The following SCUBE1 variants were observed in gnomAD, a reference collection of about 807,000 sequenced individuals.
SCUBE1 encodes signal peptide, CUB domain and EGF like domain containing 1, also known as signal peptide, CUB and EGF-like domain-containing protein 1.
SCUBE1 carries 59 observed loss-of-function variants against 124.4 expected under a neutral mutation model. The ratio of observed to expected loss-of-function variants is 0.47; its 90% CI spans 0.38 to 0.59. The LOEUF is 0.59. SCUBE1 is among the 20% of genes least tolerant of loss of function. The pLI is 0.00. For missense variants in SCUBE1, 1,150 were observed against 1,371.2 expected (o/e 0.84, Z 2.55); for synonymous variants, 545 against 550.9 (o/e 0.99, Z 0.15).
At chr22:43,296,290 G>A (rs1925556832) in intron 3 of SCUBE1, among the ~76,000 whole-genome samples, 1 of 152,220 alleles carries the variant, frequency 6.6e-6, no homozygotes, top group Non-Finnish European at 1.5e-5. Context: ...AAACCACTGA[G>A]GCCTTGGGCC....
At chr22:43,240,332 C>T (rs911878760) in intron 6 of SCUBE1, among the ~76,000 whole-genome samples, 1 of 152,216 alleles carries the variant, frequency 6.6e-6, no homozygotes, top group African/African-American at 2.4e-5. Flanking sequence ...TTTTGCCCTC[C>T]CATCTCCTGC....
intron 6 of SCUBE1, among the ~76,000 whole-genome samples, chr22:43,253,361 G>A (rs950276940): frequency 2.0e-5 from 3 of 152,318 alleles, no homozygotes; most frequent in East Asian, 3.9e-4. Context: ...TCAGAAGCCC[G>A]GGTCTGGTTC....
intron 9 of SCUBE1, among the ~76,000 whole-genome samples, chr22:43,227,830 G>A (rs1351778123): frequency 6.6e-6 from 1 of 152,154 alleles, no homozygotes; most frequent in Non-Finnish European, 1.5e-5. Flanking sequence ...ACTGCTCCAG[G>A]GATTGTGAAA....
At chr22:43,249,276 A>T (rs951901520) in intron 6 of SCUBE1, among the ~76,000 whole-genome samples, 2 of 133,920 alleles carry the variant, frequency 1.5e-5, no homozygotes, top group African/African-American at 5.5e-5. Context: ...GACCCTGGAG[A>T]TGGTCGCTGC....
Position 43,255,447 on chromosome 22 carries a change from C to T in SCUBE1, c.727+2772G>A, listed in dbSNP as rs1923621095. 1 of 1,503,396 alleles carries T rather than the reference C, an allele frequency of 6.7e-7. No individual in the cohort carries two copies. Among genetic ancestry groups the T allele is most frequent in the African/African-American group, 1.4e-5 (1 of 72,004 alleles). 93.1% of individuals were successfully genotyped at this position (1,503,396 alleles called of 1,614,324 possible). The stretch of plus-strand genomic sequence containing the variant: ...AGACACACATGTGCACACACACACA[C>T]AAGTGCAAGTACGACAAAGGAAGTG... On this transcript the variant is annotated intron_variant, in intron 6 of 21. Transcript: ENST00000360835. The surrounding 1 kb of genome is among the most constrained non-coding windows in gnomAD (Gnocchi z 4.7).
chr22:43,266,953 A>G (rs1489393181), intron 4 of SCUBE1, among the ~76,000 whole-genome samples: 3 of 152,198 alleles, frequency 2.0e-5, no homozygotes, highest in Non-Finnish European at 2.9e-5. Flanking sequence ...GCTCCCCTGC[A>G]GCACAGGATG....
At chr22:43,304,118 C>T (rs1394372330) in intron 3 of SCUBE1, among the ~76,000 whole-genome samples, 2 of 152,336 alleles carry the variant, frequency 1.3e-5, no homozygotes, top group East Asian at 3.9e-4. Context: ...ATTCCTGGGT[C>T]AACGACTGTG....
chr22:43,301,567 C>A (rs1925772921), intron 3 of SCUBE1, among the ~76,000 whole-genome samples: 1 of 152,152 alleles, frequency 6.6e-6, no homozygotes, highest in Non-Finnish European at 1.5e-5. Flanking sequence ...AGCTCACGTG[C>A]CGCTTTCCCA....
intron 3 of SCUBE1, among the ~76,000 whole-genome samples, chr22:43,295,994 G>A (rs558135152): frequency 6.7e-6 from 1 of 148,464 alleles, no homozygotes; most frequent in African/African-American, 2.5e-5. Context: ...GGCAGGGCAG[G>A]GCCCAGACAG....
At chr22:43,214,729 G>A (rs1158036960) in intron 15 of SCUBE1, among the ~76,000 whole-genome samples, 1 of 152,232 alleles carries the variant, frequency 6.6e-6, no homozygotes, top group Admixed American at 6.5e-5. Context: ...CCTGGCGGGC[G>A]AGGTGGGAGG....
At chr22:43,220,371 T>G in intron 14 of SCUBE1, 79 bp downstream of exon 14, 1 of 1,507,634 alleles carries the variant, frequency 6.6e-7, no homozygotes, top group South Asian at 1.2e-5. Flanking sequence ...GCTTCATGCC[T>G]GGCAGGCCCC....
chr22:43,198,466 G>T lies in SCUBE1; in HGVS notation c.*5531C>A. On this transcript the variant is annotated 3_prime_UTR_variant, in exon 22 of 22. Transcript: ENST00000360835. ...GCCAACCCCAGCTCTGCCTGCCCAG[G>T]ACTTACTCCTGGAAGGGCCAGGGAT... The T allele has an allele frequency of 2.3e-6, 1 of 437,470 alleles. No homozygotes were observed. 27.1% of individuals were successfully genotyped at this position (437,470 alleles called of 1,614,324 possible).
intron 16 of SCUBE1, chr22:43,213,800 G>A: frequency 3.4e-6 from 1 of 295,302 alleles, no homozygotes; most frequent in Non-Finnish European, 6.3e-6. Context: ...ACACTGTGAA[G>A]TCCTTTCCAA....
chr22:43,331,533 G>A (rs1480678789), intron 2 of SCUBE1, among the ~76,000 whole-genome samples: 1 of 152,208 alleles, frequency 6.6e-6, no homozygotes, highest in African/African-American at 2.4e-5. Flanking sequence ...TGATTATCAG[G>A]AGGGTCTTAG....
intron 4 of SCUBE1, among the ~76,000 whole-genome samples, chr22:43,272,890 T>C (rs536392785): frequency 6.6e-5 from 10 of 152,326 alleles, no homozygotes; most frequent in African/African-American, 2.4e-4. Context: ...ACAGTGACTG[T>C]CCTGGGTCAC....
At chr22:43,297,732 T>C (rs1034975184) in intron 3 of SCUBE1, among the ~76,000 whole-genome samples, 19 of 152,366 alleles carry the variant, frequency 1.2e-4, no homozygotes, top group African/African-American at 4.6e-4. Context: ...CTGTTTGTTC[T>C]ACTTTGGACC....
At chr22:43,310,166 T>C (rs568375536) in intron 3 of SCUBE1, among the ~76,000 whole-genome samples, 3 of 152,218 alleles carry the variant, frequency 2.0e-5, no homozygotes, top group African/African-American at 7.2e-5. Flanking sequence ...CCCTCGCTCC[T>C]GATCCTCCAG....
At chr22:43,274,014 T>A (rs953582337) in intron 4 of SCUBE1, among the ~76,000 whole-genome samples, 2 of 152,176 alleles carry the variant, frequency 1.3e-5, no homozygotes, top group Admixed American at 1.3e-4. Flanking sequence ...CTGGAGCCCC[T>A]GCCCTGCCTC....
In SCUBE1 at chr22:43,204,123, G is replaced by A. The variant is rs375344449; in HGVS notation, c.2841C>T (p.Phe947=). 18 of 1,613,898 alleles carry A rather than the reference G, an allele frequency of 1.1e-5. No homozygotes were observed. The highest frequency in any genetic ancestry group is 2.2e-5 in the East Asian group (1 of 44,888). The change falls in exon 22 of 22, where the codon TTC becomes TTT. Residue 947 remains phenylalanine, a synonymous_variant. Coordinates refer to ENST00000360835, the MANE Select transcript of SCUBE1 (RefSeq NM_173050.5). ...AGTTCTGGGGATGCGCCAGCACGTC[G>A]AAGAGGGCCTTGATCAGCTTCTTGT... ...LKDKKLIKAL[F]DVLAHPQNYF...
Sources: gnomAD v4.1 joint callset for allele counts (sites outside exome capture counted in the v4.1 genomes callset) on GRCh38, gnomAD v4.1.1 for gene constraint, Gnocchi (gnomAD v3.1) non-coding constraint, MANE v1.5 for transcripts, NCBI Gene and HGNC (gene_info 2026-07-23, HGNC 2026-07-21) for gene names.